TPD52: variants seen among roughly 807,000 people sequenced by gnomAD.
TPD52 encodes prostate and colon associated protein.
TPD52 carries 17 observed loss-of-function variants against 31.3 expected under a neutral mutation model. That is an observed-to-expected ratio of 0.54 (90% CI 0.37 to 0.82). The LOEUF (loss-of-function observed/expected upper bound fraction) is 0.82, where lower values mean the gene tolerates loss of function less well. TPD52 is among the 40% of genes least tolerant of loss of function. The pLI, the probability that TPD52 is intolerant of heterozygous loss-of-function variation, is 0.00. For missense variants in TPD52, 212 were observed against 240.1 expected (o/e 0.88, Z 0.77); for synonymous variants, 83 against 89.6 (o/e 0.93, Z 0.42).
chr8:80,081,156 CTTTTTT>C (rs5892705), intron 1 of TPD52, among the ~76,000 whole-genome samples: 2 of 109,394 alleles, frequency 1.8e-5, no homozygotes, highest in African/African-American at 7.4e-5. Flanking sequence ...TTTTCTCTCT[CTTTTTT>C]TTTTTTTTTT....
At chr8:80,047,484 T>C (rs1053841458) in intron 5 of TPD52, among the ~76,000 whole-genome samples, 4 of 152,140 alleles carry the variant, frequency 2.6e-5, no homozygotes, top group Admixed American at 6.5e-5. Flanking sequence ...AAATTTCACA[T>C]TGAAGCTTTC....
intron 1 of TPD52, among the ~76,000 whole-genome samples, chr8:80,162,029 TTAAA>T: frequency 6.6e-6 from 1 of 152,234 alleles, no homozygotes; most frequent in African/African-American, 2.4e-5. Flanking sequence ...GCACCTGGCC[TTAAA>T]TAATTTTTAA....
At chr8:80,149,230 G>C (rs973140598) in intron 1 of TPD52, among the ~76,000 whole-genome samples, 1 of 152,090 alleles carries the variant, frequency 6.6e-6, no homozygotes, top group Non-Finnish European at 1.5e-5. Flanking sequence ...TTCCAATGCT[G>C]TTCTTGTGAT....
At chr8:80,047,119 A>T (rs1224239442) in intron 5 of TPD52, among the ~76,000 whole-genome samples, 3 of 152,132 alleles carry the variant, frequency 2.0e-5, no homozygotes, top group Admixed American at 6.5e-5. Flanking sequence ...CAGTGCCTAG[A>T]GGGGCACTGT....
chr8:80,092,476 C>T (rs533983228), intron 1 of TPD52, among the ~76,000 whole-genome samples: 14 of 152,202 alleles, frequency 9.2e-5, no homozygotes, highest in South Asian at 2.1e-4. Flanking sequence ...TTTGCACGTG[C>T]GCGTTTATTG....
chr8:80,091,507 C>A (rs927489075), intron 1 of TPD52, among the ~76,000 whole-genome samples: 2 of 151,636 alleles, frequency 1.3e-5, no homozygotes, highest in African/African-American at 2.4e-5. Flanking sequence ...TTACTATTTT[C>A]ACTTCGGTCA....
chr8:80,099,954 A>G (rs185421832), intron 1 of TPD52, among the ~76,000 whole-genome samples: 1 of 152,338 alleles, frequency 6.6e-6, no homozygotes, highest in East Asian at 1.9e-4. Flanking sequence ...TGACAAACCT[A>G]TTATGGCCCA....
intron 1 of TPD52, among the ~76,000 whole-genome samples, chr8:80,114,319 A>G (rs1424114163): frequency 6.6e-6 from 1 of 152,132 alleles, no homozygotes; most frequent in Non-Finnish European, 1.5e-5. Flanking sequence ...CCTACTTTTT[A>G]AATTTTTTCA....
At chr8:80,094,751 C>A (rs1816599857) in intron 1 of TPD52, among the ~76,000 whole-genome samples, 1 of 148,040 alleles carries the variant, frequency 6.8e-6, no homozygotes, top group East Asian at 1.9e-4. Flanking sequence ...TACACATATT[C>A]TACCATAATT....
chr8:80,031,234 T>C (rs977558401), downstream of TPD52, among the ~76,000 whole-genome samples: 7 of 152,232 alleles, frequency 4.6e-5, no homozygotes, highest in African/African-American at 1.7e-4. Flanking sequence ...ACAGACCCTA[T>C]TTTAAGAATG....
intron 1 of TPD52, among the ~76,000 whole-genome samples, chr8:80,156,172 G>A (rs558017623): frequency 3.9e-4 from 60 of 152,244 alleles, no homozygotes; most frequent in African/African-American, 1.3e-3. Flanking sequence ...AGGTGCACCC[G>A]CTCACATGAG....
chr8:80,147,825 T>TACAC (rs950674897), intron 1 of TPD52, among the ~76,000 whole-genome samples: 1 of 150,102 alleles, frequency 6.7e-6, no homozygotes, highest in Admixed American at 6.7e-5. Context: ...CACACATACA[T>TACAC]ACACACACAC....
intron 1 of TPD52, among the ~76,000 whole-genome samples, chr8:80,153,750 A>T (rs1810741916): frequency 6.6e-6 from 1 of 152,198 alleles, no homozygotes; most frequent in South Asian, 2.1e-4. Context: ...AATCTCCCTA[A>T]ATTTTAAGCT....
chr8:80,045,702 T>C (rs1810778767), intron 5 of TPD52, among the ~76,000 whole-genome samples: 2 of 152,208 alleles, frequency 1.3e-5, no homozygotes, highest in African/African-American at 2.4e-5. Context: ...GTTTCAATAA[T>C]AGAAGCTACT....
chr8:80,166,628 G>A (rs1162582690), intron 1 of TPD52, among the ~76,000 whole-genome samples: 1 of 151,762 alleles, frequency 6.6e-6, no homozygotes, highest in Non-Finnish European at 1.5e-5. Context: ...TGTTGGCCGG[G>A]CACAGTGGCT....
chr8:80,070,566 G>C (rs1813662927), intron 1 of TPD52, among the ~76,000 whole-genome samples: 1 of 152,142 alleles, frequency 6.6e-6, no homozygotes, highest in African/African-American at 2.4e-5. Context: ...GCTCCTATGA[G>C]AATCTAATGC....
intron 1 of TPD52, among the ~76,000 whole-genome samples, chr8:80,143,173 G>A (rs1360250670): frequency 2.0e-5 from 3 of 151,364 alleles, no homozygotes; most frequent in Middle Eastern, 3.4e-3. Context: ...CTGCTGAAAA[G>A]ATGAAATATG....
At chr8:80,084,374 T>A (rs1815570116) in intron 1 of TPD52, among the ~76,000 whole-genome samples, 2 of 152,222 alleles carry the variant, frequency 1.3e-5, no homozygotes, top group Admixed American at 1.3e-4. Flanking sequence ...ACACTGTCAA[T>A]CAATCAGTGG....
chr8:80,107,929 C>T (rs1269452039), intron 1 of TPD52, among the ~76,000 whole-genome samples: 1 of 152,132 alleles, frequency 6.6e-6, no homozygotes, highest in Non-Finnish European at 1.5e-5. Context: ...ACCATAAATC[C>T]AACCTAAGAG....
Sources: gnomAD v4.1 joint callset for allele counts (sites outside exome capture counted in the v4.1 genomes callset) on GRCh38, gnomAD v4.1.1 for gene constraint, MANE v1.5 for transcripts, NCBI Gene and HGNC (gene_info 2026-07-23, HGNC 2026-07-21) for gene names.